Variants in MMP26 observed in about 807,000 individuals in gnomAD.
The protein encoded by MMP26 is matrix metalloproteinase-26.
A neutral mutation model predicts 31.0 loss-of-function variants in MMP26; 33 were observed. The ratio of observed to expected loss-of-function variants is 1.06; its 90% CI spans 0.81 to 1.42. The LOEUF (loss-of-function observed/expected upper bound fraction) is 1.42, where lower values mean the gene tolerates loss of function less well. Ranked by LOEUF, MMP26 falls within the 40% of genes most tolerant of loss-of-function variation. MMP26 has a pLI of 0.00. For missense variants in MMP26, 347 were observed against 316.1 expected (o/e 1.10, Z -0.74); for synonymous variants, 122 against 114.9 (o/e 1.06, Z -0.40).
chr11:4,902,793 G>T (rs549828230), intron 2 of MMP26, among the ~76,000 whole-genome samples: 4 of 152,200 alleles, frequency 2.6e-5, no homozygotes, highest in African/African-American at 9.6e-5. Context: ...GGAGTTGATC[G>T]TCTTCTCCAG....
At chr11:4,991,924 CAT>C (rs1847009959) in intron 6 of MMP26, 38 bp from the exon 7 acceptor site, 1 of 1,499,186 alleles carries the variant, frequency 6.7e-7, no homozygotes, top group Non-Finnish European at 8.9e-7. Context: ...ATTCCCTATG[CAT>C]AGTTAATTTT....
chr11:4,990,202 T>C (rs1846976739), intron 4 of MMP26, among the ~76,000 whole-genome samples: 2 of 152,212 alleles, frequency 1.3e-5, no homozygotes, highest in Admixed American at 1.3e-4. Flanking sequence ...GGATTCTAAA[T>C]ATACTTGAGA....
At chr11:4,856,070 A>T (rs534476173) in intron 2 of MMP26, among the ~76,000 whole-genome samples, 1 of 152,344 alleles carries the variant, frequency 6.6e-6, no homozygotes, top group Non-Finnish European at 1.5e-5. Context: ...CTCACGAAGG[A>T]AGCACTAAAC....
intron 2 of MMP26, among the ~76,000 whole-genome samples, chr11:4,840,229 C>G (rs1263352836): frequency 6.6e-6 from 1 of 152,212 alleles, no homozygotes; most frequent in Non-Finnish European, 1.5e-5. Flanking sequence ...ATCTCTGGAC[C>G]CACCTGGGGC....
intron 2 of MMP26, among the ~76,000 whole-genome samples, chr11:4,775,399 G>A (rs1848778139): frequency 6.6e-6 from 1 of 152,074 alleles, no homozygotes; most frequent in Non-Finnish European, 1.5e-5. Flanking sequence ...ATTGTGAATG[G>A]GAGTTCATTC....
intron 2 of MMP26, among the ~76,000 whole-genome samples, chr11:4,855,855 C>T (rs1429414053): frequency 6.6e-6 from 1 of 152,166 alleles, no homozygotes; most frequent in African/African-American, 2.4e-5. Flanking sequence ...GGAAGCCCAC[C>T]ACATTAACAG....
At chr11:4,842,722 C>T (rs1311943107) in intron 2 of MMP26, among the ~76,000 whole-genome samples, 1 of 152,124 alleles carries the variant, frequency 6.6e-6, no homozygotes, top group Admixed American at 6.5e-5. Flanking sequence ...TCTCACATTT[C>T]AAAACACAAT....
chr11:4,790,661 A>G (rs1849013698), intron 2 of MMP26, among the ~76,000 whole-genome samples: 1 of 152,174 alleles, frequency 6.6e-6, no homozygotes, highest in South Asian at 2.1e-4. Flanking sequence ...AGGTAAGAAC[A>G]TGGTAAGTCA....
chr11:4,874,930 A>G (rs748013685), intron 2 of MMP26, among the ~76,000 whole-genome samples: 29 of 152,130 alleles, frequency 1.9e-4, no homozygotes, highest in Non-Finnish European at 3.5e-4. Context: ...ACTCAAGATG[A>G]CATTTATTAG....
At chr11:4,710,994 C>T (rs1402278463) in intron 1 of MMP26, 1 of 152,648 alleles carries the variant, frequency 6.6e-6, no homozygotes, top group Non-Finnish European at 1.5e-5. Flanking sequence ...AAAAGGACTA[C>T]TTTCCTAATT....
intron 2 of MMP26, chr11:4,849,162 A>G (rs1398022541): frequency 6.2e-7 from 1 of 1,613,788 alleles, no homozygotes; most frequent in South Asian, 1.1e-5. Context: ...GGTGGGGGCC[A>G]TTGAAGTGCT....
chr11:4,835,015 A>G (rs1849697303), intron 2 of MMP26, among the ~76,000 whole-genome samples: 1 of 152,168 alleles, frequency 6.6e-6, no homozygotes, highest in Non-Finnish European at 1.5e-5. Context: ...TCAAACATTC[A>G]GTAGGCAACC....
At chr11:4,727,808 CAAAACAA>C (rs924557708) in intron 1 of MMP26, among the ~76,000 whole-genome samples, 7 of 151,900 alleles carry the variant, frequency 4.6e-5, no homozygotes, top group African/African-American at 1.2e-4. Context: ...GACTGTGTCT[CAAAACAA>C]AAAACAAAAA....
At chr11:4,760,914 A>G (rs1012933594) in intron 1 of MMP26, among the ~76,000 whole-genome samples, 2 of 152,230 alleles carry the variant, frequency 1.3e-5, no homozygotes, top group African/African-American at 4.8e-5. Context: ...GTTATTATTT[A>G]TGGCAGGAAA....
intron 2 of MMP26, among the ~76,000 whole-genome samples, chr11:4,866,338 C>T (rs1041061521): frequency 6.6e-6 from 1 of 152,044 alleles, no homozygotes; most frequent in Non-Finnish European, 1.5e-5. Flanking sequence ...AAAAACACAG[C>T]AAGTCTCTTA....
chr11:4,746,117 T>C (rs1848376686), intron 1 of MMP26, among the ~76,000 whole-genome samples: 2 of 152,220 alleles, frequency 1.3e-5, no homozygotes, highest in South Asian at 4.1e-4. Flanking sequence ...AAAATTTGAA[T>C]GCCAATTAAA....
intron 2 of MMP26, among the ~76,000 whole-genome samples, chr11:4,829,606 C>G (rs928421627): frequency 2.6e-5 from 4 of 152,098 alleles, no homozygotes; most frequent in Admixed American, 2.0e-4. Context: ...CTGGGCATTA[C>G]TTTTTGTTTT....
chr11:4,756,856 G>A (rs192987109), intron 1 of MMP26: 1 of 151,826 alleles, frequency 6.6e-6, no homozygotes, highest in Non-Finnish European at 1.5e-5. Context: ...ACAAAGCTTT[G>A]CTGAGAGATA....
chr11:4,848,532 C>T, intron 2 of MMP26: 1 of 1,613,034 alleles, frequency 6.2e-7, no homozygotes. Context: ...GCCAATCAGG[C>T]CATAGGAGAA....
Sources: allele counts gnomAD v4.1 joint callset (sites outside exome capture counted in the v4.1 genomes callset), GRCh38; gene constraint gnomAD v4.1.1; transcripts MANE v1.5; gene names NCBI Gene and HGNC (gene_info 2026-07-23, HGNC 2026-07-21).